Variants in ZBTB7C observed in about 807,000 individuals in gnomAD.
ZBTB7C encodes the protein zinc finger and BTB domain containing 7C.
A neutral mutation model predicts 25.7 loss-of-function variants in ZBTB7C; 8 were observed. The ratio of observed to expected loss-of-function variants is 0.31; its 90% CI spans 0.18 to 0.56. ZBTB7C has a LOEUF of 0.56. Among genes scored for constraint, ZBTB7C ranks in the 20% least tolerant of loss-of-function variants. The pLI is 0.91. For synonymous variants in ZBTB7C, 394 were observed against 369.0 expected (o/e 1.07, Z -0.78); for missense variants, 824 against 855.2 (o/e 0.96, Z 0.46).
chr18:48,089,783 TAGAA>T (rs1249187958), intron 3 of ZBTB7C, among the ~76,000 whole-genome samples: 2 of 146,812 alleles, frequency 1.4e-5, no homozygotes, highest in Non-Finnish European at 3.0e-5. Flanking sequence ...TTCTCCATGA[TAGAA>T]AGCCTAAACA....
chr18:48,081,323 C>T (rs998470037), intron 3 of ZBTB7C, among the ~76,000 whole-genome samples: 2 of 152,178 alleles, frequency 1.3e-5, no homozygotes, highest in African/African-American at 4.8e-5. Flanking sequence ...TGATTCTAGA[C>T]ACCTGTTGTA....
At chr18:48,130,980 T>C (rs2039968172) in intron 3 of ZBTB7C, among the ~76,000 whole-genome samples, 1 of 152,218 alleles carries the variant, frequency 6.6e-6, no homozygotes. Flanking sequence ...CTCAGCTCAC[T>C]GCAACTCCCA....
At chr18:48,217,393 C>T (rs979629857) in intron 2 of ZBTB7C, among the ~76,000 whole-genome samples, 6 of 152,274 alleles carry the variant, frequency 3.9e-5, no homozygotes, top group East Asian at 1.9e-4. Context: ...GCTTAAAACC[C>T]GCGGAGGCCT....
intron 3 of ZBTB7C, among the ~76,000 whole-genome samples, chr18:48,070,676 GA>G (rs1325983951): frequency 1.3e-5 from 2 of 152,202 alleles, no homozygotes; most frequent in African/African-American, 4.8e-5. Flanking sequence ...GCAGGGACTA[GA>G]AGCCCAGCAA....
At position 48,153,591 on chromosome 18, in the gene ZBTB7C, TATGTCAGGCAGTACCAAG is replaced by T. The variant is rs374760982; in HGVS notation, c.-17+32325_-17+32342del. 5.3e-5 allele frequency among the ~76,000 whole-genome samples: 8 copies of T among 152,328 alleles called. No homozygotes were observed. The East Asian group carries it at 1.5e-3, about 29-fold the overall frequency. The stretch of plus-strand genomic sequence containing the variant: ...AAACATGGATGAAACATGGGCTATA[TATGTCAGGCAGTACCAAG>T]ATGTTGATGAATGATCCAAAAATAT... On this transcript the variant is annotated intron_variant, in intron 3 of 4. Transcript: ENST00000590800.
chr18:48,285,728 A>G (rs558441625), intron 2 of ZBTB7C, among the ~76,000 whole-genome samples: 1 of 152,278 alleles, frequency 6.6e-6, no homozygotes, highest in East Asian at 1.9e-4. Flanking sequence ...TGTGCCCTAA[A>G]ACATTTTTTT....
At chr18:48,381,678 A>C (rs1425471479) in intron 1 of ZBTB7C, among the ~76,000 whole-genome samples, 1 of 152,252 alleles carries the variant, frequency 6.6e-6, no homozygotes. Flanking sequence ...TGCAGTAACA[A>C]AAGAAATCAC....
chr18:48,259,828 T>C (rs1055499081), intron 2 of ZBTB7C, among the ~76,000 whole-genome samples: 3 of 152,102 alleles, frequency 2.0e-5, no homozygotes, highest in Non-Finnish European at 4.4e-5. Flanking sequence ...TCCACAACAA[T>C]TAGAATAGTG....
intron 3 of ZBTB7C, among the ~76,000 whole-genome samples, chr18:48,131,547 T>C (rs1232509073): frequency 6.6e-6 from 1 of 152,204 alleles, no homozygotes; most frequent in Non-Finnish European, 1.5e-5. Context: ...CAAATTTGTC[T>C]TTGTTAAGAG....
chr18:48,390,014 G>A (rs2047862548), intron 1 of ZBTB7C, among the ~76,000 whole-genome samples: 1 of 152,208 alleles, frequency 6.6e-6, no homozygotes, highest in African/African-American at 2.4e-5. Flanking sequence ...GGTGTCAAAT[G>A]AAGCTATGGC....
intron 3 of ZBTB7C, among the ~76,000 whole-genome samples, chr18:48,114,876 ATAAC>A (rs1220375087): frequency 3.3e-5 from 5 of 152,248 alleles, no homozygotes; most frequent in Non-Finnish European, 7.3e-5. Flanking sequence ...TACTGTCAAA[ATAAC>A]TAACAATTTT....
intron 1 of ZBTB7C, among the ~76,000 whole-genome samples, chr18:48,393,199 G>A (rs1022633906): frequency 2.0e-5 from 3 of 151,976 alleles, no homozygotes; most frequent in Admixed American, 6.6e-5. Flanking sequence ...GGAATCAAGC[G>A]GGGCCCTGCC....
At chr18:48,403,718 G>A (rs557695557) in intron 1 of ZBTB7C, among the ~76,000 whole-genome samples, 16 of 152,224 alleles carry the variant, frequency 1.1e-4, no homozygotes, top group Non-Finnish European at 2.2e-4. Context: ...TGCACATTGG[G>A]TACAGTGTAC....
At chr18:48,111,883 C>T (rs560043858) in intron 3 of ZBTB7C, among the ~76,000 whole-genome samples, 1 of 152,314 alleles carries the variant, frequency 6.6e-6, no homozygotes, top group African/African-American at 2.4e-5. Flanking sequence ...TTATTACGTA[C>T]ATTCTCTTCC....
intron 2 of ZBTB7C, among the ~76,000 whole-genome samples, chr18:48,193,584 T>G (rs1446007821): frequency 6.6e-6 from 1 of 152,146 alleles, no homozygotes; most frequent in Admixed American, 6.5e-5. Flanking sequence ...AGAAACCTTG[T>G]GTTTGTTAAT....
intron 2 of ZBTB7C, among the ~76,000 whole-genome samples, chr18:48,325,953 T>C (rs1264105693): frequency 6.6e-6 from 1 of 152,102 alleles, no homozygotes; most frequent in Non-Finnish European, 1.5e-5. Flanking sequence ...AAGACTATTA[T>C]CTAACAGCTC....
intron 2 of ZBTB7C, among the ~76,000 whole-genome samples, chr18:48,266,220 C>A (rs1028807386): frequency 4.6e-5 from 7 of 151,902 alleles, no homozygotes; most frequent in African/African-American, 1.4e-4. Flanking sequence ...AGCTAGGACC[C>A]ACCAACACCC....
At chr18:48,116,720 C>T (rs538830969) in intron 3 of ZBTB7C, among the ~76,000 whole-genome samples, 1 of 152,226 alleles carries the variant, frequency 6.6e-6, no homozygotes, top group African/African-American at 2.4e-5. Context: ...CCCTCTCTGT[C>T]ATTCCTCATC....
chr18:48,303,739 C>T (rs1279453301), intron 2 of ZBTB7C, among the ~76,000 whole-genome samples: 2 of 152,188 alleles, frequency 1.3e-5, no homozygotes, highest in Non-Finnish European at 2.9e-5. Context: ...GGCCTTGACT[C>T]CAGGCTTAGC....
Sources: allele counts gnomAD v4.1 joint callset (sites outside exome capture counted in the v4.1 genomes callset), GRCh38; gene constraint gnomAD v4.1.1; transcripts MANE v1.5; gene names NCBI Gene and HGNC (gene_info 2026-07-23, HGNC 2026-07-21).